The following TSPAN2 variants were observed in gnomAD, a reference collection of about 807,000 sequenced individuals.
TSPAN2 encodes the protein tetraspanin-2.
Under a neutral mutation model 33.3 loss-of-function variants are expected in TSPAN2, and 24 were observed. The observed-to-expected ratio is 0.72, with a 90% CI of 0.52 to 1.01. The LOEUF (loss-of-function observed/expected upper bound fraction) is 1.01. TSPAN2 is among the 50% of genes least tolerant of loss of function. The probability of loss-of-function intolerance (pLI) is 0.00; values close to 1 mark genes in which losing one functional copy is unlikely to be tolerated. For synonymous variants in TSPAN2, 114 were observed against 104.5 expected (o/e 1.09, Z -0.56); for missense variants, 278 against 281.3 (o/e 0.99, Z 0.08).
chr1:115,082,409 C>A (rs1648660317), intron 1 of TSPAN2, among the ~76,000 whole-genome samples: 1 of 152,198 alleles, frequency 6.6e-6, no homozygotes, highest in African/African-American at 2.4e-5. Flanking sequence ...CTTCAGACCT[C>A]TGTTTTCTCA....
Position 115,048,457 on chromosome 1 carries a change from C to T in TSPAN2, c.*2033G>A, listed in dbSNP as rs538906377. The T allele has an allele frequency of 1.3e-5, 2 of 151,794 alleles. No individual in the cohort carries two copies. The highest frequency in any genetic ancestry group is 2.1e-4 in the South Asian group (1 of 4,818). 9.4% of individuals were successfully genotyped at this position (151,794 alleles called of 1,614,324 possible). On this transcript the variant is annotated 3_prime_UTR_variant, in exon 8 of 8. Transcript: ENST00000369516. Reference sequence around the variant, plus strand: ...TTATCTCCAAAAGGGGCACATTAATCGTACATGGAACAGAACCCTTCTCTT... The same window carrying T: ...TTATCTCCAAAAGGGGCACATTAATTGTACATGGAACAGAACCCTTCTCTT...
chr1:115,060,109 A>T (rs889986870), intron 4 of TSPAN2, among the ~76,000 whole-genome samples: 1 of 152,212 alleles, frequency 6.6e-6, no homozygotes, highest in Non-Finnish European at 1.5e-5. Flanking sequence ...GACAAATGGC[A>T]GTCTGACAGG....
chr1:115,071,701 C>A (rs908800431), intron 2 of TSPAN2, among the ~76,000 whole-genome samples: 36 of 152,198 alleles, frequency 2.4e-4, no homozygotes, highest in African/African-American at 8.2e-4. Context: ...TCTAAGATTT[C>A]CTGAAATGTG....
intron 5 of TSPAN2, 130 bp from the exon 6 acceptor site, chr1:115,057,738 T>C: frequency 1.3e-6 from 1 of 753,376 alleles, no homozygotes; most frequent in South Asian, 1.5e-5. Flanking sequence ...CAACCCAGAC[T>C]GCTATTTCTG....
At chr1:115,068,262 T>C (rs1266175424) in intron 2 of TSPAN2, among the ~76,000 whole-genome samples, 1 of 152,172 alleles carries the variant, frequency 6.6e-6, no homozygotes, top group Non-Finnish European at 1.5e-5. Context: ...GCTTGGAGGT[T>C]ATGTCTGATC....
chr1:115,051,033 G>T (rs1229032114), intron 7 of TSPAN2, among the ~76,000 whole-genome samples: 2 of 152,128 alleles, frequency 1.3e-5, no homozygotes, highest in Non-Finnish European at 2.9e-5. Flanking sequence ...GTATCAGCTG[G>T]GTGCAGTGGC....
intron 1 of TSPAN2, 133 bp downstream of exon 1, chr1:115,089,231 G>T (rs1438511002): frequency 2.2e-5 from 13 of 600,200 alleles, no homozygotes; most frequent in South Asian, 5.5e-5. Context: ...CCTTCTCCTC[G>T]CCTCCGCGTT....
At chr1:115,064,785 G>A (rs1647878415) in intron 2 of TSPAN2, among the ~76,000 whole-genome samples, 1 of 152,174 alleles carries the variant, frequency 6.6e-6, no homozygotes, top group African/African-American at 2.4e-5. Context: ...CCAAAGCCAA[G>A]CACATGAGGA....
chr1:115,071,301 A>G (rs1648165051), intron 2 of TSPAN2, among the ~76,000 whole-genome samples: 1 of 152,172 alleles, frequency 6.6e-6, no homozygotes, highest in South Asian at 2.1e-4. Context: ...GATTCTGAAA[A>G]AGGTTTTACT....
chr1:115,075,878 T>C (rs1316211955), intron 1 of TSPAN2, among the ~76,000 whole-genome samples: 2 of 152,128 alleles, frequency 1.3e-5, no homozygotes, highest in Non-Finnish European at 2.9e-5. Flanking sequence ...TAACCTTTCC[T>C]TCTTCTGCCC....
chr1:115,058,790 T>A, intron 5 of TSPAN2, 93 bp downstream of exon 5: 1 of 1,157,958 alleles, frequency 8.6e-7, no homozygotes, highest in South Asian at 1.3e-5. Context: ...TTACTGAATT[T>A]ATTTTTATTT....
chr1:115,068,340 C>T lies in TSPAN2; in HGVS notation c.172+4565G>A, dbSNP rs770117839. On this transcript the variant is annotated intron_variant, in intron 2 of 7. Coordinates refer to ENST00000369516, the MANE Select transcript of TSPAN2 (RefSeq NM_005725.6). The stretch of plus-strand genomic sequence containing the variant: ...GAACCAAGGATGCCAGAAAGGAAAG[C>T]TTCCCCCAGAAGATGGGACAATTTC... Among the ~76,000 whole-genome samples, 4 of 152,216 alleles carry T rather than the reference C, an allele frequency of 2.6e-5. No homozygotes were observed. The South Asian group carries it at 6.2e-4, about 24-fold the overall frequency.
chr1:115,087,448 T>C (rs1391126072), intron 1 of TSPAN2, among the ~76,000 whole-genome samples: 1 of 151,558 alleles, frequency 6.6e-6, no homozygotes, highest in Non-Finnish European at 1.5e-5. Context: ...ATCCCGTCTG[T>C]ACTAAAAATA....
At chr1:115,089,310 G>A (rs1008236053) in intron 1 of TSPAN2, 54 bp downstream of exon 1, 37 of 1,401,302 alleles carry the variant, frequency 2.6e-5, no homozygotes, top group Non-Finnish European at 3.0e-5. Context: ...CCCCGGCCCC[G>A]CGCCCGCCAC....
rs779729536 is a variant in TSPAN2 at position 115,062,208 on chromosome 1, C to T, written c.197G>A (p.Gly66Glu). The T allele has an allele frequency of 6.9e-6, 11 of 1,594,634 alleles. No individual in the cohort carries two copies. The highest frequency in any genetic ancestry group is 9.4e-6 in the Non-Finnish European group (11 of 1,170,418). Residue 66 changes from glycine (G) to glutamate (E), a missense_variant, in exon 3 of 8, where the codon GGG becomes GAG. Transcript: ENST00000369516. ...GAACCCCACGGCCATCATCAGGGCC[C>T]CGGCTCCAACCAGAACATACAGCCC... ...YVGLYVLVGA[G>E]ALMMAVGFFG...
rs1648335644 is a variant in TSPAN2 at position 115,074,757 on chromosome 1, G to A, written c.70-1750C>T. ...CACGGTAGTTTCTATGTGCAATCCAGAAAAAGTGGGGAGAGTCTTCTTGGG... is the reference window on the plus strand; with the variant it reads ...CACGGTAGTTTCTATGTGCAATCCAAAAAAAGTGGGGAGAGTCTTCTTGGG... On this transcript the variant is annotated intron_variant, in intron 1 of 7. Coordinates refer to ENST00000369516, the MANE Select transcript of TSPAN2 (RefSeq NM_005725.6). Among the ~76,000 whole-genome samples the A allele has an allele frequency of 2.0e-5, 3 of 152,106 alleles. No individual in the cohort carries two copies. In the South Asian group the frequency reaches 6.2e-4, roughly 32 times the overall value.
intron 2 of TSPAN2, among the ~76,000 whole-genome samples, chr1:115,066,270 G>C (rs1647946742): frequency 6.6e-6 from 1 of 152,160 alleles, no homozygotes; most frequent in South Asian, 2.1e-4. Context: ...ACCCAGCAGT[G>C]GGAATGCTGG....
At position 115,060,558 on chromosome 1, in the gene TSPAN2, C is replaced by A; in HGVS notation, c.271-20G>T. 6.3e-7 allele frequency: 1 copy of A among 1,588,998 alleles called. No individual in the cohort carries two copies. Among genetic ancestry groups the A allele is most frequent in the Non-Finnish European group, 8.6e-7 (1 of 1,161,240 alleles). ...AAAAAACTGTAGAGGAGAGAAAATA[C>A]TAATTTCATTAATTTAATACCTTTT... On this transcript the variant is annotated intron_variant, in intron 3 of 7. Coordinates refer to ENST00000369516, the MANE Select transcript of TSPAN2 (RefSeq NM_005725.6).
At chr1:115,076,736 A>C (rs1648424410) in intron 1 of TSPAN2, among the ~76,000 whole-genome samples, 1 of 152,182 alleles carries the variant, frequency 6.6e-6, no homozygotes, top group South Asian at 2.1e-4. Flanking sequence ...AGCAACTACT[A>C]TGAGTCAGAA....
Sources: allele counts gnomAD v4.1 joint callset (sites outside exome capture counted in the v4.1 genomes callset), GRCh38; gene constraint gnomAD v4.1.1; transcripts MANE v1.5; gene names NCBI Gene and HGNC (gene_info 2026-07-23, HGNC 2026-07-21).